Variants in CAP2 observed in about 807,000 individuals in gnomAD.
CAP2 encodes the protein adenylyl cyclase-associated protein 2.
Under a neutral mutation model 57.7 loss-of-function variants are expected in CAP2, and 24 were observed. The observed-to-expected ratio is 0.42, with a 90% CI of 0.30 to 0.58. CAP2 has a LOEUF of 0.58. Among genes scored for constraint, CAP2 ranks in the 20% least tolerant of loss-of-function variants. CAP2 has a pLI of 0.22. For synonymous variants in CAP2, 194 were observed against 207.2 expected, an observed-to-expected ratio of 0.94 and a Z score of 0.55; for missense variants, 501 against 590.3, an observed-to-expected ratio of 0.85 and a Z score of 1.57.
chr6:17,499,109 A>G (rs912314257), intron 4 of CAP2, among the ~76,000 whole-genome samples: 6 of 152,096 alleles, frequency 3.9e-5, no homozygotes, highest in African/African-American at 1.2e-4. Flanking sequence ...TTAAAAATTA[A>G]AATAAGGGCT....
chr6:17,440,695 A>C (rs1760049994), intron 3 of CAP2, among the ~76,000 whole-genome samples: 1 of 148,550 alleles, frequency 6.7e-6, no homozygotes, highest in South Asian at 2.1e-4. Context: ...TTATACTTTA[A>C]GTTCTAGGGT....
At chr6:17,462,041 G>GA (rs1201789904) in intron 3 of CAP2, among the ~76,000 whole-genome samples, 1 of 87,554 alleles carries the variant, frequency 1.1e-5, no homozygotes, top group Non-Finnish European at 2.9e-5. Context: ...AACAAAAAAA[G>GA]AAAAAAGAAC....
chr6:17,467,199 C>A (rs994682009), intron 4 of CAP2, among the ~76,000 whole-genome samples: 1 of 152,110 alleles, frequency 6.6e-6, no homozygotes, highest in African/African-American at 2.4e-5. Context: ...GAGAGAGAAC[C>A]TAGCTCTGCC....
chr6:17,510,196 TG>T (rs1455469393), intron 6 of CAP2, among the ~76,000 whole-genome samples: 2 of 152,090 alleles, frequency 1.3e-5, no homozygotes, highest in African/African-American at 4.8e-5. Context: ...GGGTTTCTTT[TG>T]GGGGGTGATG....
At chr6:17,511,778 G>A (rs987105256) in intron 6 of CAP2, among the ~76,000 whole-genome samples, 2 of 152,128 alleles carry the variant, frequency 1.3e-5, no homozygotes, top group African/African-American at 4.8e-5. Flanking sequence ...TATGAATACA[G>A]CAAGTCATTT....
intron 3 of CAP2, among the ~76,000 whole-genome samples, chr6:17,438,438 T>G (rs72835406): frequency 5.0e-3 from 132 of 26,240 alleles, no homozygotes; most frequent in South Asian, 0.012. Context: ...GAAGTGTTTT[T>G]TTTTTTTTTT....
intron 4 of CAP2, among the ~76,000 whole-genome samples, chr6:17,494,092 T>C (rs747629311): frequency 7.9e-5 from 12 of 152,220 alleles, no homozygotes; most frequent in Non-Finnish European, 1.8e-4. Flanking sequence ...CTTCATCTCT[T>C]GTCGGAATTA....
At chr6:17,448,635 A>G (rs1328955157) in intron 3 of CAP2, among the ~76,000 whole-genome samples, 1 of 152,234 alleles carries the variant, frequency 6.6e-6, no homozygotes. Flanking sequence ...GGGCTTTTTA[A>G]GTTACAATGA....
chr6:17,462,418 CAT>C lies in CAP2; in HGVS notation c.223-577_223-576del, dbSNP rs35425937. On this transcript the variant is annotated intron_variant, in intron 3 of 12. Coordinates refer to ENST00000229922, the MANE Select transcript of CAP2 (RefSeq NM_006366.3). The stretch of plus-strand genomic sequence containing the variant: ...AACAGCTTTATTGAAATATAATTCA[CAT>C]GTCATAATATTCATCTTTTTGAAGT... Among the ~76,000 whole-genome samples the C allele has an allele frequency of 9.9e-3, 1,512 of 152,282 alleles. 25 individuals carry two copies. Among genetic ancestry groups the C allele is most frequent in the African/African-American group, 0.034 (1,401 of 41,572 alleles).
chr6:17,546,428 T>C (rs1287387780), intron 11 of CAP2, among the ~76,000 whole-genome samples: 1 of 152,220 alleles, frequency 6.6e-6, no homozygotes, highest in Non-Finnish European at 1.5e-5. Flanking sequence ...GAGTTCTTTG[T>C]AGATTCTGGA....
At chr6:17,400,751 G>A (rs1758789217) in intron 1 of CAP2, among the ~76,000 whole-genome samples, 1 of 151,860 alleles carries the variant, frequency 6.6e-6, no homozygotes, top group Non-Finnish European at 1.5e-5. Flanking sequence ...TGTAGTCCCA[G>A]CTACTCGGGA....
At chr6:17,472,729 G>A (rs1170972258) in intron 4 of CAP2, among the ~76,000 whole-genome samples, 2 of 152,186 alleles carry the variant, frequency 1.3e-5, no homozygotes, top group African/African-American at 2.4e-5. Flanking sequence ...GGAAGGAGAG[G>A]CAGGGGTTTG....
At chr6:17,453,939 C>T in intron 3 of CAP2, among the ~76,000 whole-genome samples, 1 of 145,046 alleles carries the variant, frequency 6.9e-6, no homozygotes, top group Admixed American at 6.9e-5. Context: ...GGCTGGATTG[C>T]CATGGCGTGA....
At chr6:17,416,154 G>A (rs1759269667) in intron 1 of CAP2, among the ~76,000 whole-genome samples, 1 of 151,826 alleles carries the variant, frequency 6.6e-6, no homozygotes, top group Non-Finnish European at 1.5e-5. Context: ...ACGTAGACTT[G>A]AGAAAACTCT....
chr6:17,468,608 CTTG>C (rs1760933949), intron 4 of CAP2, among the ~76,000 whole-genome samples: 1 of 152,176 alleles, frequency 6.6e-6, no homozygotes, highest in Non-Finnish European at 1.5e-5. Flanking sequence ...CTTGTCTCCC[CTTG>C]TTGTATTTTA....
chr6:17,445,110 T>C (rs1760220815), intron 3 of CAP2, among the ~76,000 whole-genome samples: 1 of 152,220 alleles, frequency 6.6e-6, no homozygotes, highest in Admixed American at 6.5e-5. Context: ...TTTTATCTTA[T>C]TATTTATCTA....
intron 12 of CAP2, among the ~76,000 whole-genome samples, chr6:17,552,690 C>T (rs1763199730): frequency 6.6e-6 from 1 of 152,022 alleles, no homozygotes; most frequent in African/African-American, 2.4e-5. Context: ...GTGCAGGGAG[C>T]CAGTGAACCA....
chr6:17,550,328 C>G (rs1459234978), intron 11 of CAP2, among the ~76,000 whole-genome samples: 1 of 148,484 alleles, frequency 6.7e-6, no homozygotes, highest in Non-Finnish European at 1.5e-5. Context: ...ATTAAATATA[C>G]ATATATGTGC....
intron 7 of CAP2, among the ~76,000 whole-genome samples, chr6:17,515,605 CTAAAG>C (rs760896013): frequency 5.3e-5 from 8 of 152,140 alleles, no homozygotes; most frequent in Non-Finnish European, 1.2e-4. Context: ...TCCCCTGAAC[CTAAAG>C]TAAAGGTTGA....
Sources: gnomAD v4.1 joint callset for allele counts (sites outside exome capture counted in the v4.1 genomes callset) on GRCh38, gnomAD v4.1.1 for gene constraint, MANE v1.5 for transcripts, NCBI Gene and HGNC (gene_info 2026-07-23, HGNC 2026-07-21) for gene names.